CSMD1: variants seen among roughly 807,000 people sequenced by gnomAD.
CSMD1 encodes the protein CUB and sushi domain-containing protein 1.
Under a neutral mutation model 417.5 loss-of-function variants are expected in CSMD1, and 213 were observed. The observed-to-expected ratio is 0.51, with a 90% CI of 0.46 to 0.57. CSMD1 has a LOEUF of 0.57. Ranked by LOEUF, CSMD1 falls within the 20% of genes least tolerant of loss-of-function variation. The probability of loss-of-function intolerance (pLI) is 0.00; values close to 1 mark genes in which losing one functional copy is unlikely to be tolerated. For synonymous variants in CSMD1, 2,862 were observed against 1,736.8 expected (o/e 1.65, Z -16.11); for missense variants, 6,923 against 4,529.7 (o/e 1.53, Z -15.17).
At chr8:4,437,696 A>T (rs756526048) in intron 2 of CSMD1, among the ~76,000 whole-genome samples, 5 of 152,204 alleles carry the variant, frequency 3.3e-5, no homozygotes, top group African/African-American at 4.8e-5. Flanking sequence ...CCTTTAGCAT[A>T]GAATAAGATT....
At position 3,075,860 on chromosome 8, in the gene CSMD1, G is replaced by T. The variant is rs539245981; in HGVS notation, c.7474+11237C>A. ...ATCGAGACCATCCTGGGTAACATGG[G>T]GAAACACTGTCTCTACTAAAAATAC... On this transcript the variant is annotated intron_variant, in intron 49 of 69. Transcript: ENST00000635120. Among the ~76,000 whole-genome samples the T allele has an allele frequency of 8.0e-5, 12 of 150,388 alleles. No homozygotes were observed. The South Asian group carries it at 1.9e-3, about 24-fold the overall frequency.
chr8:4,743,009 G>A (rs929726517), intron 1 of CSMD1, among the ~76,000 whole-genome samples: 10 of 152,248 alleles, frequency 6.6e-5, no homozygotes, highest in Admixed American at 5.2e-4. Context: ...GCTTCACTGT[G>A]TTTGGAGAAT....
intron 3 of CSMD1, among the ~76,000 whole-genome samples, chr8:4,371,592 G>T (rs891305880): frequency 6.6e-6 from 1 of 152,080 alleles, no homozygotes; most frequent in Non-Finnish European, 1.5e-5. Flanking sequence ...TCAAAATGCT[G>T]ATTTCTCTGC....
chr8:4,510,820 C>G (rs373171675), intron 2 of CSMD1, among the ~76,000 whole-genome samples: 1 of 140,258 alleles, frequency 7.1e-6, no homozygotes, highest in African/African-American at 2.7e-5. Context: ...TTCACTCCCT[C>G]CCTTCCTCTC....
intron 2 of CSMD1, among the ~76,000 whole-genome samples, chr8:4,443,257 A>G (rs143342956): frequency 6.6e-6 from 1 of 152,326 alleles, no homozygotes; most frequent in East Asian, 1.9e-4. Flanking sequence ...ATGTCAAATC[A>G]TCAGCATCAA....
intron 2 of CSMD1, among the ~76,000 whole-genome samples, chr8:4,590,544 C>T (rs1799935422): frequency 6.6e-6 from 1 of 151,848 alleles, no homozygotes; most frequent in African/African-American, 2.4e-5. Context: ...ATTATGACAC[C>T]TCTCCCTATA....
intron 1 of CSMD1, among the ~76,000 whole-genome samples, chr8:4,703,453 G>A (rs1259026823): frequency 6.6e-6 from 1 of 152,128 alleles, no homozygotes; most frequent in Admixed American, 6.6e-5. Flanking sequence ...AGCCTATCTT[G>A]CAATCACCAA....
At chr8:4,188,740 C>G (rs888233826) in intron 3 of CSMD1, among the ~76,000 whole-genome samples, 3 of 151,114 alleles carry the variant, frequency 2.0e-5, no homozygotes, top group African/African-American at 7.3e-5. Context: ...TGAGTAATGT[C>G]TAGAAAAGAA....
chr8:2,956,337 A>G (rs2128922568), intron 63 of CSMD1, among the ~76,000 whole-genome samples: 1 of 152,194 alleles, frequency 6.6e-6, no homozygotes, highest in South Asian at 2.1e-4. Flanking sequence ...TGAGACTGTG[A>G]TGTATACTCT....
At chr8:4,735,614 C>G (rs750730920) in intron 1 of CSMD1, among the ~76,000 whole-genome samples, 3 of 152,162 alleles carry the variant, frequency 2.0e-5, no homozygotes, top group Non-Finnish European at 4.4e-5. Context: ...TATAATACTA[C>G]TAGCAATGAT....
intron 2 of CSMD1, among the ~76,000 whole-genome samples, chr8:4,426,406 A>G (rs1797557268): frequency 6.7e-6 from 1 of 149,246 alleles, no homozygotes. Flanking sequence ...CTTTTTATAT[A>G]CTATATATAC....
chr8:3,060,068 C>T (rs1380446390), intron 49 of CSMD1, among the ~76,000 whole-genome samples: 1 of 152,102 alleles, frequency 6.6e-6, no homozygotes, highest in African/African-American at 2.4e-5. Flanking sequence ...AAAGTACTTT[C>T]CGGCTCTTTC....
chr8:3,991,739 G>A (rs537504374), intron 5 of CSMD1, among the ~76,000 whole-genome samples: 8 of 152,236 alleles, frequency 5.3e-5, no homozygotes, highest in South Asian at 2.1e-4. Context: ...TGAAATTAGC[G>A]ATGAAATGTG....
At chr8:3,295,498 T>C (rs1009151695) in intron 25 of CSMD1, among the ~76,000 whole-genome samples, 1 of 152,206 alleles carries the variant, frequency 6.6e-6, no homozygotes, top group African/African-American at 2.4e-5. Flanking sequence ...TAATTTACTT[T>C]AAAACTGTAA....
intron 3 of CSMD1, among the ~76,000 whole-genome samples, chr8:4,277,818 G>C (rs190644247): frequency 6.1e-4 from 93 of 152,218 alleles, no homozygotes; most frequent in African/African-American, 2.2e-3. Flanking sequence ...TATAATCTCG[G>C]TTCACTGCAA....
intron 26 of CSMD1, chr8:3,279,178 C>G (rs1004282159): frequency 3.3e-5 from 5 of 152,174 alleles, no homozygotes; most frequent in Non-Finnish European, 7.3e-5. Context: ...GAGAGAAACA[C>G]ATGACATGAA....
Position 4,473,428 on chromosome 8 carries a change from T to A in CSMD1, c.303-53363A>T, listed in dbSNP as rs145598123. Among the ~76,000 whole-genome samples the A allele has an allele frequency of 4.7e-3, 723 of 152,334 alleles. 3 individuals carry two copies. The highest frequency in any genetic ancestry group is 8.3e-3 in the Non-Finnish European group (564 of 68,034). On this transcript the variant is annotated intron_variant, in intron 2 of 69. Transcript: ENST00000635120. The stretch of plus-strand genomic sequence containing the variant: ...TAGTCTTTAATCCAGTCAGCTTACC[T>A]GAGTATTATTTTGTTTCATAAGCAA...
intron 3 of CSMD1, among the ~76,000 whole-genome samples, chr8:4,297,462 G>A (rs537562647): frequency 1.2e-4 from 19 of 152,230 alleles, no homozygotes; most frequent in African/African-American, 3.6e-4. Flanking sequence ...CTGGGCGTCC[G>A]CAAGCTAATA....
chr8:3,373,528 G>A (rs1033292407), intron 18 of CSMD1: 1 of 152,130 alleles, frequency 6.6e-6, no homozygotes, highest in African/African-American at 2.4e-5. Flanking sequence ...AATTGAATTG[G>A]TATTCTCACC....
Sources: gnomAD v4.1 joint callset for allele counts (sites outside exome capture counted in the v4.1 genomes callset) on GRCh38, gnomAD v4.1.1 for gene constraint, MANE v1.5 for transcripts, NCBI Gene and HGNC (gene_info 2026-07-23, HGNC 2026-07-21) for gene names.